ABCA1: variants seen among roughly 807,000 people sequenced by gnomAD.
The protein encoded by ABCA1 is phospholipid-transporting ATPase ABCA1.
Under a neutral mutation model 262.5 loss-of-function variants are expected in ABCA1, and 133 were observed. The observed-to-expected ratio is 0.51, with a 90% CI of 0.44 to 0.59. The LOEUF (loss-of-function observed/expected upper bound fraction) is 0.59. Among genes scored for constraint, ABCA1 ranks in the 20% least tolerant of loss-of-function variants. ABCA1 has a pLI of 0.00. For missense variants in ABCA1, 2,452 were observed against 2,777.5 expected (o/e 0.88, Z 2.63); for synonymous variants, 1,022 against 1,043.5 (o/e 0.98, Z 0.40).
chr9:104,853,838 T>A (rs969594416), intron 7 of ABCA1, among the ~76,000 whole-genome samples: 1 of 152,166 alleles, frequency 6.6e-6, no homozygotes, highest in African/African-American at 2.4e-5. Context: ...AAATATATGA[T>A]AAACTATTCC....
At position 104,785,386 on chromosome 9, in the gene ABCA1, C is replaced by G. The variant is rs1222514351; in HGVS notation, c.6645+10G>C. On this transcript the variant is annotated intron_variant, in intron 49 of 49. Transcript: ENST00000374736. ...TGAGAAGTAAATCTGTTTTGACACTCAAAGCTTACTTGGTCAAGTGTTGTC... is the reference window on the plus strand; with the variant it reads ...TGAGAAGTAAATCTGTTTTGACACTGAAAGCTTACTTGGTCAAGTGTTGTC... The G allele has an allele frequency of 6.2e-7, 1 of 1,613,802 alleles. No individual in the cohort carries two copies. Among genetic ancestry groups the G allele is most frequent in the Non-Finnish European group, 8.5e-7 (1 of 1,179,840 alleles).
At chr9:104,918,138 T>C (rs1648118431) in intron 1 of ABCA1, among the ~76,000 whole-genome samples, 1 of 135,982 alleles carries the variant, frequency 7.4e-6, no homozygotes, top group African/African-American at 2.6e-5. Flanking sequence ...ACCCACGGTC[T>C]GGTTGATGGG....
chr9:104,789,185 A>C (rs1829192750), intron 44 of ABCA1, among the ~76,000 whole-genome samples: 1 of 152,208 alleles, frequency 6.6e-6, no homozygotes, highest in Admixed American at 6.5e-5. Flanking sequence ...TAGCACCCCC[A>C]GGGTCAGCCT....
chr9:104,886,542 A>C (rs1839193363), intron 3 of ABCA1, among the ~76,000 whole-genome samples: 4 of 152,228 alleles, frequency 2.6e-5, no homozygotes, highest in Admixed American at 2.6e-4. Flanking sequence ...AGATTTATGT[A>C]ACCCAACCAA....
intron 7 of ABCA1, among the ~76,000 whole-genome samples, chr9:104,847,325 C>A (rs919913461): frequency 6.6e-6 from 1 of 152,156 alleles, no homozygotes; most frequent in African/African-American, 2.4e-5. Flanking sequence ...CCCATCCTTC[C>A]ATTTTCTCGA....
rs866845785 is a variant in ABCA1 at position 104,889,322 on chromosome 9, C to T, written c.67-127G>A. 4.6e-6 allele frequency: 7 copies of T among 1,534,864 alleles called. No individual in the cohort carries two copies. In the Middle Eastern group the frequency reaches 5.1e-4, roughly 112 times the overall value. On this transcript the variant is annotated intron_variant, in intron 2 of 49. Coordinates refer to ENST00000374736, the MANE Select transcript of ABCA1 (RefSeq NM_005502.4). ...AATCAACTTCTCCAGTCTCTCCCAC[C>T]ACTCTCTAAGCTTTAACAGAACTGT...
chr9:104,893,779 G>T (rs1309174140), intron 2 of ABCA1, among the ~76,000 whole-genome samples: 1 of 152,138 alleles, frequency 6.6e-6, no homozygotes, highest in Admixed American at 6.5e-5. Context: ...AACTCAGGAG[G>T]CCACATGACA....
chr9:104,793,111 C>T, intron 41 of ABCA1, 60 bp downstream of exon 41: 1 of 1,609,416 alleles, frequency 6.2e-7, no homozygotes. Context: ...GAGTGTTTCC[C>T]TGTGCGCCTC....
chr9:104,819,486 A>G, intron 22 of ABCA1, 100 bp downstream of exon 22: 2 of 1,520,824 alleles, frequency 1.3e-6, no homozygotes. Context: ...AGAGTATCCC[A>G]TGGCTTCACA....
chr9:104,798,635 T>C (rs1241231799), intron 36 of ABCA1, 37 bp from the exon 37 acceptor site: 1 of 1,591,110 alleles, frequency 6.3e-7, no homozygotes, highest in South Asian at 1.1e-5. Context: ...TGAGGGGTCT[T>C]TGATGCAGTT....
intron 5 of ABCA1, among the ~76,000 whole-genome samples, chr9:104,862,652 GCC>G (rs1836597136): frequency 5.1e-4 from 2 of 3,892 alleles, no homozygotes; most frequent in South Asian, 0.022. Flanking sequence ...GCCGGGCCGG[GCC>G]GGGCCGGGCC....
At chr9:104,882,695 T>G (rs1838795297) in intron 5 of ABCA1, among the ~76,000 whole-genome samples, 1 of 152,278 alleles carries the variant, frequency 6.6e-6, no homozygotes, top group Non-Finnish European at 1.5e-5. Context: ...ATACTCTGTC[T>G]ATAAATCCAT....
chr9:104,834,104 C>A lies in ABCA1; in HGVS notation c.1312-1333G>T, dbSNP rs1192960652. On this transcript the variant is annotated intron_variant, in intron 11 of 49. Coordinates refer to ENST00000374736, the MANE Select transcript of ABCA1 (RefSeq NM_005502.4). Reference sequence around the variant, plus strand: ...AACATTATAAGCTTTTCCCCCCTTGCGCCTTTGTATTTATTATTTCAATGG... The same window carrying A: ...AACATTATAAGCTTTTCCCCCCTTGAGCCTTTGTATTTATTATTTCAATGG... Among the ~76,000 whole-genome samples, 4 of 149,920 alleles carry A rather than the reference C, an allele frequency of 2.7e-5. 1 individual carries two copies. Among genetic ancestry groups the A allele is most frequent in the Non-Finnish European group, 4.4e-5 (3 of 67,510 alleles).
At position 104,817,237 on chromosome 9, in the gene ABCA1, G is replaced by A. The variant is rs886402404; in HGVS notation, c.3535+95C>T. 44 of 1,605,994 alleles carry A rather than the reference G, an allele frequency of 2.7e-5. 2 individuals carry two copies. The Admixed American group carries it at 3.0e-4, about 11-fold the overall frequency. On this transcript the variant is annotated intron_variant, in intron 24 of 49. Coordinates refer to ENST00000374736, the MANE Select transcript of ABCA1 (RefSeq NM_005502.4). The surrounding 1 kb of genome is among the most constrained non-coding windows in gnomAD (Gnocchi z 4.7). ...GCCCAGCAGCAAACCTTGAGTCAGCGCCACCAGCCTCTGCACCTCTCCTCC... is the reference window on the plus strand; with the variant it reads ...GCCCAGCAGCAAACCTTGAGTCAGCACCACCAGCCTCTGCACCTCTCCTCC...
intron 11 of ABCA1, among the ~76,000 whole-genome samples, chr9:104,835,231 G>C (rs1425526855): frequency 6.8e-6 from 1 of 146,176 alleles, no homozygotes; most frequent in Admixed American, 6.8e-5. Context: ...CTGGGTGACA[G>C]AGCAAGACTC....
At chr9:104,795,933 G>C in intron 39 of ABCA1, 120 bp downstream of exon 39, 1 of 1,398,290 alleles carries the variant, frequency 7.2e-7, no homozygotes, top group Non-Finnish European at 1.0e-6. Flanking sequence ...TCTGAAGACA[G>C]GACAAGGCAG....
chr9:104,863,513 G>T (rs2119116722), intron 5 of ABCA1, among the ~76,000 whole-genome samples: 1 of 152,358 alleles, frequency 6.6e-6, no homozygotes, highest in South Asian at 2.1e-4. Context: ...GAGGACAGGA[G>T]TTAATCCGCG....
rs549251383 is a variant in ABCA1 at position 104,820,234 on chromosome 9, A to G, written c.2961-165T>C. ...TAATCTTCAAGATTCAAGGTAGAAC[A>G]ACAGTGAGCAACCACATGAGCTGCT... On this transcript the variant is annotated intron_variant, in intron 20 of 49. Transcript: ENST00000374736. 2.0e-5 allele frequency among the ~76,000 whole-genome samples: 3 copies of G among 152,364 alleles called. No individual in the cohort carries two copies. The South Asian group carries it at 6.2e-4, about 32-fold the overall frequency.
At chr9:104,873,142 C>T (rs921060782) in intron 5 of ABCA1, among the ~76,000 whole-genome samples, 1 of 152,172 alleles carries the variant, frequency 6.6e-6, no homozygotes, top group African/African-American at 2.4e-5. Context: ...AATTCTAAGG[C>T]CTCAAATCAA....
Sources: gnomAD v4.1 joint callset for allele counts (sites outside exome capture counted in the v4.1 genomes callset) on GRCh38, gnomAD v4.1.1 for gene constraint, Gnocchi (gnomAD v3.1) non-coding constraint, MANE v1.5 for transcripts, NCBI Gene and HGNC (gene_info 2026-07-23, HGNC 2026-07-21) for gene names.